AK8: variants seen among roughly 807,000 people sequenced by gnomAD.
AK8 encodes the protein adenylate kinase 8.
AK8 carries 44 observed loss-of-function variants against 54.6 expected under a neutral mutation model. The ratio of observed to expected loss-of-function variants is 0.81; its 90% CI spans 0.63 to 1.04. The LOEUF is 1.04. Ranked by LOEUF, AK8 falls within the 50% of genes least tolerant of loss-of-function variation. The pLI is 0.00. For synonymous variants in AK8, 239 were observed against 245.6 expected (o/e 0.97, Z 0.25); for missense variants, 555 against 613.6 (o/e 0.90, Z 1.01).
At chr9:132,754,886 A>G (rs1286172974) in intron 11 of AK8, among the ~76,000 whole-genome samples, 1 of 146,888 alleles carries the variant, frequency 6.8e-6, no homozygotes, top group Non-Finnish European at 1.5e-5. Flanking sequence ...TGCAACCTCC[A>G]CCTCCTGGAT....
chr9:132,873,682 T>G (rs2131447559), intron 2 of AK8, among the ~76,000 whole-genome samples: 1 of 152,200 alleles, frequency 6.6e-6, no homozygotes, highest in African/African-American at 2.4e-5. Flanking sequence ...AGCCCTGGAA[T>G]AACAGAGTTC....
At chr9:132,752,811 T>A (rs1032140474) in intron 11 of AK8, among the ~76,000 whole-genome samples, 2 of 144,490 alleles carry the variant, frequency 1.4e-5, no homozygotes, top group African/African-American at 5.1e-5. Flanking sequence ...CCAGCCCTCC[T>A]CAGAGGCACC....
chr9:132,775,981 C>A (rs1385139155), intron 11 of AK8, among the ~76,000 whole-genome samples: 1 of 152,220 alleles, frequency 6.6e-6, no homozygotes, highest in Admixed American at 6.5e-5. Flanking sequence ...ACAGACAACA[C>A]ACCTAGCAAC....
intron 10 of AK8, among the ~76,000 whole-genome samples, chr9:132,809,476 T>C (rs1038706022): frequency 6.6e-6 from 1 of 152,168 alleles, no homozygotes; most frequent in Non-Finnish European, 1.5e-5. Flanking sequence ...TGGCAGGCAC[T>C]GGCCCACAGT....
chr9:132,746,338 C>T (rs970046928), intron 11 of AK8, among the ~76,000 whole-genome samples: 2 of 152,184 alleles, frequency 1.3e-5, no homozygotes, highest in African/African-American at 4.8e-5. Flanking sequence ...GCGAGTAGGG[C>T]CTGGGCAGCA....
intron 4 of AK8, among the ~76,000 whole-genome samples, chr9:132,861,865 A>G (rs1843401937): frequency 6.6e-6 from 1 of 152,200 alleles, no homozygotes; most frequent in Admixed American, 6.5e-5. Context: ...CTCTTTGATG[A>G]GGCCTGACAT....
chr9:132,823,561 G>C (rs1292590073), intron 8 of AK8, among the ~76,000 whole-genome samples: 1 of 152,216 alleles, frequency 6.6e-6, no homozygotes, highest in African/African-American at 2.4e-5. Flanking sequence ...AGCCACCCTG[G>C]AGCGCCGCCC....
At chr9:132,871,008 G>A (rs568110307) in intron 2 of AK8, among the ~76,000 whole-genome samples, 2 of 152,338 alleles carry the variant, frequency 1.3e-5, no homozygotes, top group South Asian at 2.1e-4. Context: ...CACTTTGGGA[G>A]GCCGAGGCGG....
At chr9:132,869,450 C>A (rs569233069) in intron 2 of AK8, among the ~76,000 whole-genome samples, 1 of 152,234 alleles carries the variant, frequency 6.6e-6, no homozygotes, top group Non-Finnish European at 1.5e-5. Flanking sequence ...GCAGGCCCTG[C>A]GGAGCTGCCA....
intron 9 of AK8, among the ~76,000 whole-genome samples, chr9:132,821,847 A>G (rs1253845644): frequency 1.2e-5 from 1 of 81,792 alleles, no homozygotes; most frequent in Non-Finnish European, 2.3e-5. Context: ...GTATGTATAT[A>G]CAAATATATA....
chr9:132,771,191 G>A (rs775095963), intron 11 of AK8, among the ~76,000 whole-genome samples: 2 of 152,168 alleles, frequency 1.3e-5, no homozygotes, highest in African/African-American at 2.4e-5. Context: ...TGAAAGGTTC[G>A]GGTGATGCAC....
chr9:132,796,114 T>C (rs1448492378), intron 10 of AK8, among the ~76,000 whole-genome samples: 1 of 152,196 alleles, frequency 6.6e-6, no homozygotes, highest in Non-Finnish European at 1.5e-5. Context: ...GTGGTTTAAG[T>C]GACCCGCCCA....
intron 9 of AK8, among the ~76,000 whole-genome samples, chr9:132,822,501 A>G (rs954717677): frequency 1.1e-4 from 17 of 151,880 alleles, no homozygotes; most frequent in African/African-American, 4.1e-4. Context: ...CTTAGTAAAT[A>G]CAGTAGAGGC....
chr9:132,829,331 C>T (rs1842013630), intron 5 of AK8, among the ~76,000 whole-genome samples: 1 of 152,102 alleles, frequency 6.6e-6, no homozygotes, highest in African/African-American at 2.4e-5. Context: ...TCCTCATTGT[C>T]CACATTATCA....
rs543111289 is a variant in AK8, at chr9:132,752,586, G to T, written c.1122-25052C>A. 2.0e-5 allele frequency among the ~76,000 whole-genome samples: 3 copies of T among 152,234 alleles called. No homozygotes were observed. In the East Asian group the frequency reaches 5.8e-4, roughly 29 times the overall value. On this transcript the variant is annotated intron_variant, in intron 11 of 12. Transcript: ENST00000298545. ...CTTTTCTACAATAAGTAGATGCCCT[G>T]TGTAATCAAATGTTTGAAATAACCA...
At chr9:132,766,373 C>G (rs1266725873) in intron 11 of AK8, among the ~76,000 whole-genome samples, 1 of 152,204 alleles carries the variant, frequency 6.6e-6, no homozygotes, top group Non-Finnish European at 1.5e-5. Context: ...CTTGGCCTCC[C>G]AAAATGTTGG....
intron 11 of AK8, among the ~76,000 whole-genome samples, chr9:132,778,128 T>C (rs1018337901): frequency 2.6e-5 from 4 of 152,162 alleles, no homozygotes; most frequent in African/African-American, 9.7e-5. Flanking sequence ...AGCAAACCCG[T>C]CTTTAAGAAA....
intron 2 of AK8, among the ~76,000 whole-genome samples, chr9:132,873,649 G>A (rs564134011): frequency 5.9e-5 from 9 of 152,162 alleles, no homozygotes; most frequent in South Asian, 2.1e-4. Flanking sequence ...AGATAGCTGC[G>A]TGTGGGCAGA....
chr9:132,788,110 T>C (rs1374822689), intron 11 of AK8, among the ~76,000 whole-genome samples: 3 of 151,594 alleles, frequency 2.0e-5, no homozygotes, highest in African/African-American at 7.3e-5. Context: ...AAGGCTATTA[T>C]GAGATGTGGA....
Sources: allele counts gnomAD v4.1 joint callset (sites outside exome capture counted in the v4.1 genomes callset), GRCh38; gene constraint gnomAD v4.1.1; transcripts MANE v1.5; gene names NCBI Gene and HGNC (gene_info 2026-07-23, HGNC 2026-07-21).